The following SORCS3 variants were observed in gnomAD, a reference collection of about 807,000 sequenced individuals.
SORCS3 encodes sortilin related VPS10 domain containing receptor 3.
A neutral mutation model predicts 146.3 loss-of-function variants in SORCS3; 57 were observed. That is an observed-to-expected ratio of 0.39 (90% CI 0.31 to 0.49). The LOEUF (loss-of-function observed/expected upper bound fraction) is 0.49. Ranked by LOEUF, SORCS3 falls within the 20% of genes least tolerant of loss-of-function variation. The pLI, the probability that SORCS3 is intolerant of heterozygous loss-of-function variation, is 0.92. For missense variants in SORCS3, 1,341 were observed against 1,575.5 expected (o/e 0.85, Z 2.52); for synonymous variants, 653 against 618.5 (o/e 1.06, Z -0.83).
rs57059151 is a variant in SORCS3 at position 105,060,089 on chromosome 10, G to A, written c.1028+16961G>A. Among the ~76,000 whole-genome samples the A allele has an allele frequency of 4.2e-3, 642 of 152,296 alleles. 7 individuals carry two copies. Among genetic ancestry groups the A allele is most frequent in the African/African-American group, 0.015 (621 of 41,552 alleles). On this transcript the variant is annotated intron_variant, in intron 5 of 26. Coordinates refer to ENST00000369701, the MANE Select transcript of SORCS3 (RefSeq NM_014978.3). ...GTACCAGGAGACAGATACAGCCTGT[G>A]ATAGAGGTGTCAGAGGAGTGGCATC... is the stretch of plus-strand genomic sequence containing the variant.
intron 1 of SORCS3, among the ~76,000 whole-genome samples, chr10:104,735,456 G>GTTTATTTTTTTTT (rs2016757462): frequency 2.9e-5 from 1 of 34,994 alleles, no homozygotes; most frequent in Non-Finnish European, 4.8e-5. Flanking sequence ...CTCACCGTCT[G>GTTTATTTTTTTTT]TTTTTTTTTT....
In SORCS3 at chr10:105,217,035, T is replaced by TTG; in HGVS notation, c.2647_2648insTG (p.Tyr883LeufsTer10). On this transcript the variant is annotated frameshift_variant, in exon 19 of 27. Transcript: ENST00000369701. LOFTEE classifies it high-confidence loss of function. ...CATCGAGGACGGCATCAAGCACGTG[T>TTG]ATAAGAGTGCGGGGATCTTCCAGGT... 6.2e-7 allele frequency: 1 copy of TTG among 1,614,166 alleles called. No homozygotes were observed. The highest frequency in any genetic ancestry group is 8.5e-7 in the Non-Finnish European group (1 of 1,180,018).
intron 13 of SORCS3, among the ~76,000 whole-genome samples, chr10:105,175,056 A>C (rs981576009): frequency 3.3e-5 from 5 of 151,668 alleles, no homozygotes; most frequent in Non-Finnish European, 7.4e-5. Flanking sequence ...TTATTCATTT[A>C]TTTGTTTTGA....
rs2055065003 is a variant in SORCS3 at position 105,001,994 on chromosome 10, C to G, written c.954+24501C>G. Among the ~76,000 whole-genome samples, 3 of 152,252 alleles carry G rather than the reference C, an allele frequency of 2.0e-5. No homozygotes were observed. In the South Asian group the frequency reaches 6.2e-4, roughly 32 times the overall value. On this transcript the variant is annotated intron_variant, in intron 4 of 26. Coordinates refer to ENST00000369701, the MANE Select transcript of SORCS3 (RefSeq NM_014978.3). The stretch of plus-strand genomic sequence containing the variant: ...AATTCTTCAGGTCCCACAGTGGGAT[C>G]TGTTTTAAGTGGTTCTTGAAATTTC...
chr10:105,213,089 C>A (rs2056643695), intron 17 of SORCS3, among the ~76,000 whole-genome samples: 1 of 152,214 alleles, frequency 6.6e-6, no homozygotes, highest in African/African-American at 2.4e-5. Flanking sequence ...GGTGCGCTAC[C>A]ATATTGCCTA....
At chr10:104,718,738 A>C (rs1194481752) in intron 1 of SORCS3, among the ~76,000 whole-genome samples, 1 of 152,238 alleles carries the variant, frequency 6.6e-6, no homozygotes, top group East Asian at 1.9e-4. Context: ...AAGGAAACTC[A>C]GTTCTGAGGT....
chr10:105,230,464 G>A (rs540975636), intron 20 of SORCS3, among the ~76,000 whole-genome samples: 1 of 152,084 alleles, frequency 6.6e-6, no homozygotes, highest in Non-Finnish European at 1.5e-5. Flanking sequence ...TCTTAGCCTA[G>A]GTGGCAGAAG....
At chr10:104,782,369 G>A (rs2017383540) in intron 1 of SORCS3, among the ~76,000 whole-genome samples, 1 of 152,064 alleles carries the variant, frequency 6.6e-6, no homozygotes, top group Non-Finnish European at 1.5e-5. Context: ...GGTGAAATGG[G>A]CAGTGGTCTG....
At chr10:104,763,104 G>T (rs567096951) in intron 1 of SORCS3, among the ~76,000 whole-genome samples, 1 of 152,228 alleles carries the variant, frequency 6.6e-6, no homozygotes, top group African/African-American at 2.4e-5. Context: ...GTGGTCCCTG[G>T]CACGTGATAG....
At position 105,165,378 on chromosome 10, in the gene SORCS3, G is replaced by A. The variant is rs374569887; in HGVS notation, c.1809+999G>A. ...GTCTTAAAAGTGAGACAGTTTCTCC[G>A]TGGAGAAGACAAGAGAAAGACAATG... is the stretch of plus-strand genomic sequence containing the variant. On this transcript the variant is annotated intron_variant, in intron 12 of 26. Coordinates refer to ENST00000369701, the MANE Select transcript of SORCS3 (RefSeq NM_014978.3). Among the ~76,000 whole-genome samples, 4 of 152,250 alleles carry A rather than the reference G, an allele frequency of 2.6e-5. No homozygotes were observed. In the East Asian group the frequency reaches 5.8e-4, roughly 22 times the overall value.
chr10:105,185,558 A>G (rs1205820022), intron 14 of SORCS3, among the ~76,000 whole-genome samples: 2 of 152,198 alleles, frequency 1.3e-5, no homozygotes, highest in African/African-American at 2.4e-5. Context: ...TTTGGATTCT[A>G]TATCTGCAAT....
intron 7 of SORCS3, among the ~76,000 whole-genome samples, chr10:105,126,256 A>C (rs887337635): frequency 1.3e-5 from 2 of 152,124 alleles, no homozygotes; most frequent in African/African-American, 4.8e-5. Flanking sequence ...ACACACACTC[A>C]CTATTTCTTT....
intron 2 of SORCS3, among the ~76,000 whole-genome samples, chr10:104,866,322 C>G (rs571559100): frequency 6.6e-6 from 1 of 152,152 alleles, no homozygotes; most frequent in Non-Finnish European, 1.5e-5. Flanking sequence ...AAAAACAAAT[C>G]ATCTACGTTG....
intron 3 of SORCS3, among the ~76,000 whole-genome samples, chr10:104,975,025 C>G (rs1013169318): frequency 6.6e-6 from 1 of 152,080 alleles, no homozygotes; most frequent in African/African-American, 2.4e-5. Context: ...ATATTGGCCC[C>G]CACTCTCTTC....
At chr10:105,010,984 CAGG>C (rs1166922566) in intron 4 of SORCS3, among the ~76,000 whole-genome samples, 1 of 152,062 alleles carries the variant, frequency 6.6e-6, no homozygotes, top group East Asian at 1.9e-4. Flanking sequence ...TTCTTAGTCT[CAGG>C]AGGAGGAGTG....
chr10:105,041,401 A>AT (rs2055337137), intron 4 of SORCS3, among the ~76,000 whole-genome samples: 1 of 147,298 alleles, frequency 6.8e-6, no homozygotes, highest in African/African-American at 2.5e-5. Flanking sequence ...TATTTTGAGG[A>AT]TTAAAAAAAA....
chr10:104,877,468 A>T (rs1301026948), intron 2 of SORCS3, among the ~76,000 whole-genome samples: 2 of 152,092 alleles, frequency 1.3e-5, no homozygotes, highest in Non-Finnish European at 2.9e-5. Context: ...CAGATATTTG[A>T]CTCATAAAAT....
At chr10:105,101,343 A>G (rs2055783110) in intron 6 of SORCS3, among the ~76,000 whole-genome samples, 1 of 152,114 alleles carries the variant, frequency 6.6e-6, no homozygotes, top group Non-Finnish European at 1.5e-5. Flanking sequence ...TTTGACCGCC[A>G]GGCCTGCCTG....
chr10:105,064,964 A>G (rs759528688), intron 5 of SORCS3, among the ~76,000 whole-genome samples: 29 of 152,364 alleles, frequency 1.9e-4, no homozygotes, highest in Non-Finnish European at 3.2e-4. Flanking sequence ...ATTAAACATC[A>G]TAGTGTATAT....
Sources: gnomAD v4.1 joint callset for allele counts (sites outside exome capture counted in the v4.1 genomes callset) on GRCh38, gnomAD v4.1.1 for gene constraint, MANE v1.5 for transcripts, NCBI Gene and HGNC (gene_info 2026-07-23, HGNC 2026-07-21) for gene names.